Variants in NOL4L observed in about 807,000 individuals in gnomAD.
NOL4L encodes nucleolar protein 4-like.
A neutral mutation model predicts 64.5 loss-of-function variants in NOL4L; 7 were observed. That is an observed-to-expected ratio of 0.11 (90% CI 0.06 to 0.20). The LOEUF (loss-of-function observed/expected upper bound fraction) is 0.20. Among genes scored for constraint, NOL4L ranks in the 10% least tolerant of loss-of-function variants. NOL4L has a pLI of 1.00. For missense variants in NOL4L, 680 were observed against 967.1 expected (o/e 0.70, Z 3.94); for synonymous variants, 413 against 401.0 (o/e 1.03, Z -0.36).
At chr20:32,454,295 A>G (rs938262475) in intron 6 of NOL4L, among the ~76,000 whole-genome samples, 17 of 152,348 alleles carry the variant, frequency 1.1e-4, no homozygotes, top group African/African-American at 4.1e-4. Context: ...GTAGCCAGCC[A>G]GGGCGACAGG....
chr20:32,459,246 C>CT lies in NOL4L; in HGVS notation c.842-2852dup, dbSNP rs371056802. 2.9e-3 allele frequency among the ~76,000 whole-genome samples: 411 copies of CT among 140,198 alleles called. 1 individual carries two copies. Among genetic ancestry groups the CT allele is most frequent in the Middle Eastern group, 0.011 (3 of 276 alleles). 92.0% of individuals were successfully genotyped at this position (140,198 alleles called of 152,430 possible). A position where few individuals can be genotyped will look rare whatever the true frequency, so the allele number is the denominator to read the frequency against. ...ATTGGCGACTCAGTTACATGGTTTA[C>CT]TTTTTTTTTTTTTTTTTAGGGTCTT... On this transcript the variant is annotated intron_variant, in intron 5 of 10. Coordinates refer to ENST00000621426, the MANE Select transcript of NOL4L (RefSeq NM_001256798.2).
chr20:32,507,983 C>A (rs1434385752), intron 4 of NOL4L, among the ~76,000 whole-genome samples: 1 of 152,130 alleles, frequency 6.6e-6, no homozygotes, highest in Non-Finnish European at 1.5e-5. Context: ...TGCATTCCAG[C>A]CAGGGTGACG....
chr20:32,475,643 C>T (rs953140922), intron 4 of NOL4L, among the ~76,000 whole-genome samples: 5 of 152,254 alleles, frequency 3.3e-5, no homozygotes, highest in African/African-American at 1.2e-4. Context: ...TGGGAGCTGG[C>T]TGTAAAACCA....
At chr20:32,476,192 CGGAG>C (rs1037301067) in intron 4 of NOL4L, among the ~76,000 whole-genome samples, 8 of 116,168 alleles carry the variant, frequency 6.9e-5, no homozygotes, top group Non-Finnish European at 1.2e-4. Context: ...CTCACACACC[CGGAG>C]GGACACACAC....
At chr20:32,479,215 T>A (rs2015581506) in intron 4 of NOL4L, among the ~76,000 whole-genome samples, 1 of 152,102 alleles carries the variant, frequency 6.6e-6, no homozygotes, top group Admixed American at 6.5e-5. Context: ...ACGACAACTG[T>A]GCAGAGGGGG....
intron 2 of NOL4L, among the ~76,000 whole-genome samples, chr20:32,524,832 C>A (rs763625483): frequency 1.4e-4 from 21 of 152,120 alleles, no homozygotes; most frequent in Non-Finnish European, 2.4e-4. Flanking sequence ...CAGGCACCAC[C>A]CCCTGCCCCC....
chr20:32,517,448 G>A (rs886834835), intron 3 of NOL4L, among the ~76,000 whole-genome samples: 4 of 152,242 alleles, frequency 2.6e-5, no homozygotes, highest in Non-Finnish European at 5.9e-5. Context: ...ATGGCGGGCA[G>A]AGATAGGATC....
intron 1 of NOL4L, chr20:32,582,075 G>A (rs1359862477): frequency 1.3e-5 from 2 of 152,282 alleles, no homozygotes; most frequent in African/African-American, 2.4e-5. Context: ...AGAACTTGGA[G>A]ATGGGGGTGG....
intron 1 of NOL4L, 105 bp downstream of exon 1, chr20:32,584,465 C>G (rs1199487713): frequency 8.5e-5 from 82 of 962,550 alleles, no homozygotes; most frequent in Non-Finnish European, 1.0e-4. Context: ...CGGACAACCT[C>G]AGGGACACAC....
chr20:32,505,801 G>C (rs1167848586), intron 4 of NOL4L, among the ~76,000 whole-genome samples: 2 of 152,180 alleles, frequency 1.3e-5, no homozygotes, highest in African/African-American at 4.8e-5. Context: ...AGGACAAAAG[G>C]ACATCTGATT....
intron 1 of NOL4L, among the ~76,000 whole-genome samples, 164 bp from the exon 2 acceptor site, chr20:32,528,077 C>A (rs2018202951): frequency 6.6e-6 from 1 of 152,256 alleles, no homozygotes; most frequent in South Asian, 2.1e-4. Flanking sequence ...GAGGGGGACG[C>A]CAGAGTCAGG....
At chr20:32,475,417 A>C in intron 4 of NOL4L, 23 of 873,396 alleles carry the variant, frequency 2.6e-5, no homozygotes, top group South Asian at 5.3e-5. Flanking sequence ...GGTTCAGCTC[A>C]AGGGCCTGGG....
intron 4 of NOL4L, among the ~76,000 whole-genome samples, chr20:32,502,517 C>T (rs749942785): frequency 4.6e-5 from 7 of 151,112 alleles, no homozygotes; most frequent in South Asian, 2.1e-4. Context: ...TGCCTGAATC[C>T]GGGAGGCGGA....
intron 4 of NOL4L, among the ~76,000 whole-genome samples, chr20:32,478,471 T>G (rs1255097774): frequency 6.6e-6 from 1 of 152,176 alleles, no homozygotes; most frequent in Admixed American, 6.5e-5. Flanking sequence ...GGAGACACTG[T>G]GGACACACTG....
intron 4 of NOL4L, among the ~76,000 whole-genome samples, chr20:32,493,701 C>T (rs1489161865): frequency 1.3e-5 from 2 of 152,158 alleles, no homozygotes; most frequent in African/African-American, 2.4e-5. Context: ...ATAACTCAGT[C>T]ATCAGTCCAC....
intron 4 of NOL4L, among the ~76,000 whole-genome samples, chr20:32,482,063 AGAG>A (rs1052180532): frequency 5.3e-5 from 8 of 152,174 alleles, no homozygotes; most frequent in African/African-American, 1.7e-4. Flanking sequence ...CTTCTCAGAA[AGAG>A]GAGGAAATCA....
rs549180165 is a variant in NOL4L at position 32,480,310 on chromosome 20, C to A, written c.700-5568G>T. ...GCTGAGAATTTAGTGCAATTTTAAG[C>A]CATAAGCCCTGACCAGGAGCCCTGG... On this transcript the variant is annotated intron_variant, in intron 4 of 10. Coordinates refer to ENST00000621426, the MANE Select transcript of NOL4L (RefSeq NM_001256798.2). Among the ~76,000 whole-genome samples the A allele has an allele frequency of 9.8e-5, 15 of 152,286 alleles. No homozygotes were observed. The South Asian group carries it at 3.1e-3, about 32-fold the overall frequency.
At chr20:32,450,783 G>A (rs919990316) in intron 10 of NOL4L, among the ~76,000 whole-genome samples, 1 of 152,164 alleles carries the variant, frequency 6.6e-6, no homozygotes, top group Non-Finnish European at 1.5e-5. Flanking sequence ...CATGTGTAGG[G>A]GGGGCAGGGC....
chr20:32,489,307 TA>T (rs974318117), intron 4 of NOL4L, among the ~76,000 whole-genome samples: 28 of 152,192 alleles, frequency 1.8e-4, no homozygotes, highest in Admixed American at 3.9e-4. Flanking sequence ...GGATCTGGCT[TA>T]TTTTTTTCTA....
Sources: allele counts gnomAD v4.1 joint callset (sites outside exome capture counted in the v4.1 genomes callset), GRCh38; gene constraint gnomAD v4.1.1; transcripts MANE v1.5; gene names NCBI Gene and HGNC (gene_info 2026-07-23, HGNC 2026-07-21).